CACHD1: variants seen among roughly 807,000 people sequenced by gnomAD.
CACHD1 encodes the protein VWFA and cache domain-containing protein 1.
CACHD1 carries 71 observed loss-of-function variants against 138.7 expected under a neutral mutation model. The ratio of observed to expected loss-of-function variants is 0.51; its 90% CI spans 0.42 to 0.62. The LOEUF is 0.62. Among genes scored for constraint, CACHD1 ranks in the 20% least tolerant of loss-of-function variants. CACHD1 has a pLI of 0.00. For missense variants in CACHD1, 1,389 were observed against 1,625.3 expected (o/e 0.85, Z 2.50); for synonymous variants, 578 against 591.5 (o/e 0.98, Z 0.33).
At position 64,665,299 on chromosome 1, in the gene CACHD1, A is replaced by G. The variant is rs934961920; in HGVS notation, c.2276+620A>G. ...GTGAAACCCCATCTCTACAAAAAAA[A>G]AAATACAAAAATTAGTTGGGTGTGG... On this transcript the variant is annotated intron_variant, in intron 15 of 26. Transcript: ENST00000651257. Among the ~76,000 whole-genome samples the G allele has an allele frequency of 1.3e-5, 2 of 152,042 alleles. 1 individual carries two copies. Among genetic ancestry groups the G allele is most frequent in the Admixed American group, 1.3e-4 (2 of 15,272 alleles).
intron 7 of CACHD1, among the ~76,000 whole-genome samples, chr1:64,635,380 ATTTTT>A (rs71056060): frequency 2.2e-5 from 2 of 91,842 alleles, no homozygotes; most frequent in Non-Finnish European, 4.6e-5. Context: ...CTCTAATTTA[ATTTTT>A]TTTTTTTTTT....
At chr1:64,479,700 TC>T (rs1389362687) in intron 1 of CACHD1, among the ~76,000 whole-genome samples, 1 of 152,136 alleles carries the variant, frequency 6.6e-6, no homozygotes, top group African/African-American at 2.4e-5. Context: ...CTGGGGTAGA[TC>T]TTTGGGCAGG....
chr1:64,666,037 C>T lies in CACHD1; in HGVS notation c.2277-20C>T, dbSNP rs761682548. On this transcript the variant is annotated intron_variant, in intron 15 of 26. Transcript: ENST00000651257. ...ATAAATAAAAAATAAAATAACATGA[C>T]TTTCTTTGGTCTCCATTAGGTATCT... The T allele has an allele frequency of 1.5e-5, 20 of 1,343,188 alleles. No homozygotes were observed. The East Asian group carries it at 4.6e-4, about 31-fold the overall frequency. The allele number at this position is 1,343,188 out of a possible 1,614,324, so 83.2% of individuals were successfully genotyped here.
chr1:64,522,245 A>ACCATAGATGG (rs1477168150), intron 1 of CACHD1, among the ~76,000 whole-genome samples: 1 of 152,138 alleles, frequency 6.6e-6, no homozygotes, highest in Admixed American at 6.5e-5. Flanking sequence ...ACCCTTCAAG[A>ACCATAGATGG]CCATAGATGG....
intron 1 of CACHD1, among the ~76,000 whole-genome samples, chr1:64,519,438 T>C (rs1297960247): frequency 2.6e-5 from 4 of 152,224 alleles, no homozygotes; most frequent in East Asian, 1.9e-4. Flanking sequence ...CAGGCCTCAG[T>C]TTCCTTGTCT....
chr1:64,665,873 G>A (rs537010312), intron 15 of CACHD1, among the ~76,000 whole-genome samples, 184 bp from the exon 16 acceptor site: 8 of 152,160 alleles, frequency 5.3e-5, no homozygotes, highest in East Asian at 1.9e-4. Context: ...GCATGATGGC[G>A]GGTGCCTGTA....
chr1:64,529,774 C>T (rs1297164295), intron 1 of CACHD1, among the ~76,000 whole-genome samples: 1 of 152,172 alleles, frequency 6.6e-6, no homozygotes, highest in Non-Finnish European at 1.5e-5. Flanking sequence ...GTTATGTTTT[C>T]ATTTTTGCAT....
chr1:64,571,982 A>G (rs1400552364), intron 2 of CACHD1, among the ~76,000 whole-genome samples: 2 of 152,168 alleles, frequency 1.3e-5, no homozygotes, highest in Admixed American at 6.5e-5. Flanking sequence ...CTTAGTGTTT[A>G]TAAGTTATGC....
At chr1:64,535,522 A>C (rs1042812850) in intron 1 of CACHD1, among the ~76,000 whole-genome samples, 2 of 151,958 alleles carry the variant, frequency 1.3e-5, no homozygotes, top group Admixed American at 1.3e-4. Context: ...GCAGAGTTTC[A>C]CCATGTTGGC....
chr1:64,677,783 T>C (rs750408517), intron 22 of CACHD1, among the ~76,000 whole-genome samples: 8 of 152,172 alleles, frequency 5.3e-5, no homozygotes, highest in Non-Finnish European at 8.8e-5. Flanking sequence ...TCCAAACTTA[T>C]TGGACTTTTT....
intron 1 of CACHD1, among the ~76,000 whole-genome samples, chr1:64,528,544 C>T (rs553517148): frequency 6.6e-6 from 1 of 152,250 alleles, no homozygotes; most frequent in South Asian, 2.1e-4. Flanking sequence ...AATAATATCA[C>T]AGCAGAGATT....
At chr1:64,498,348 T>G (rs1355438520) in intron 1 of CACHD1, among the ~76,000 whole-genome samples, 1 of 152,232 alleles carries the variant, frequency 6.6e-6, no homozygotes, top group Non-Finnish European at 1.5e-5. Flanking sequence ...ATTTTTTCAC[T>G]ATTCGAAACT....
intron 3 of CACHD1, 101 bp downstream of exon 3, chr1:64,582,405 G>A: frequency 9.6e-7 from 1 of 1,043,442 alleles, no homozygotes; most frequent in Non-Finnish European, 1.4e-6. Flanking sequence ...ATTGCAAATT[G>A]TGTAGCTTGT....
intron 5 of CACHD1, among the ~76,000 whole-genome samples, chr1:64,630,796 AG>A (rs1487263736): frequency 6.6e-6 from 1 of 152,200 alleles, no homozygotes; most frequent in Non-Finnish European, 1.5e-5. Flanking sequence ...TGTGAAGAAA[AG>A]TTTAAAAAGG....
chr1:64,493,633 C>T (rs991408200), intron 1 of CACHD1, among the ~76,000 whole-genome samples: 4 of 152,182 alleles, frequency 2.6e-5, no homozygotes, highest in Admixed American at 6.5e-5. Context: ...AGATACCAAA[C>T]GGCTCAACCC....
intron 4 of CACHD1, among the ~76,000 whole-genome samples, chr1:64,615,961 G>T (rs1315973727): frequency 6.6e-6 from 1 of 152,126 alleles, no homozygotes; most frequent in Admixed American, 6.5e-5. Flanking sequence ...TTTTACAGAT[G>T]AGAAGTTCTG....
intron 13 of CACHD1, among the ~76,000 whole-genome samples, chr1:64,661,110 G>T (rs1417988590): frequency 6.6e-6 from 1 of 151,970 alleles, no homozygotes; most frequent in Non-Finnish European, 1.5e-5. Flanking sequence ...AATGAACCAA[G>T]GTAATTAAAA....
chr1:64,567,875 C>T (rs1646895436), intron 2 of CACHD1, among the ~76,000 whole-genome samples: 1 of 152,114 alleles, frequency 6.6e-6, no homozygotes, highest in African/African-American at 2.4e-5. Context: ...AGTTTAAATG[C>T]TCAGTTGTCA....
chr1:64,529,180 G>T (rs1211890054), intron 1 of CACHD1, among the ~76,000 whole-genome samples: 1 of 152,096 alleles, frequency 6.6e-6, no homozygotes, highest in Non-Finnish European at 1.5e-5. Flanking sequence ...AAGAGAAGTG[G>T]CTTGATGTCT....
Sources: gnomAD v4.1 joint callset for allele counts (sites outside exome capture counted in the v4.1 genomes callset) on GRCh38, gnomAD v4.1.1 for gene constraint, MANE v1.5 for transcripts, NCBI Gene and HGNC (gene_info 2026-07-23, HGNC 2026-07-21) for gene names.